WAC: variants seen among roughly 807,000 people sequenced by gnomAD.
The protein encoded by WAC is WW domain-containing adapter protein with coiled-coil.
Under a neutral mutation model 79.6 loss-of-function variants are expected in WAC, and 11 were observed. The observed-to-expected ratio is 0.14, with a 90% CI of 0.09 to 0.23. The LOEUF (loss-of-function observed/expected upper bound fraction) is 0.23, where lower values mean the gene tolerates loss of function less well. Ranked by LOEUF, WAC falls within the 10% of genes least tolerant of loss-of-function variation. The probability of loss-of-function intolerance (pLI) is 1.00; values close to 1 mark genes in which losing one functional copy is unlikely to be tolerated. For missense variants in WAC, 728 were observed against 773.5 expected (o/e 0.94, Z 0.70); for synonymous variants, 304 against 276.9 (o/e 1.10, Z -0.97).
chr10:28,572,371 G>A (rs1839022068), intron 3 of WAC, among the ~76,000 whole-genome samples: 1 of 149,670 alleles, frequency 6.7e-6, no homozygotes, highest in African/African-American at 2.5e-5. Flanking sequence ...AAGGAGAGAT[G>A]TGTGCTATGA....
chr10:28,595,685 C>T (rs1448844979), intron 6 of WAC, 48 bp from the exon 7 acceptor site: 3 of 1,543,558 alleles, frequency 1.9e-6, no homozygotes, highest in African/African-American at 1.4e-5. Context: ...CTTTTTTCTT[C>T]CCCCTTCTGT....
chr10:28,568,768 T>G (rs1331368738), intron 3 of WAC, among the ~76,000 whole-genome samples: 2 of 152,036 alleles, frequency 1.3e-5, no homozygotes, highest in Admixed American at 6.6e-5. Flanking sequence ...GAGACGGGGT[T>G]TCACTATGCT....
chr10:28,606,305 G>A (rs1840949117), intron 7 of WAC, among the ~76,000 whole-genome samples: 1 of 152,158 alleles, frequency 6.6e-6, no homozygotes, highest in Non-Finnish European at 1.5e-5. Context: ...CAAAATGCTG[G>A]GATTATAGGC....
rs529386309 is a variant in WAC, at chr10:28,533,674, G to A, written c.41+54G>A. 106 of 1,505,134 alleles carry A rather than the reference G, an allele frequency of 7.0e-5. No homozygotes were observed. In the East Asian group the frequency reaches 1.3e-3, roughly 19 times the overall value. 93.2% of individuals were successfully genotyped at this position (1,505,134 alleles called of 1,614,324 possible). The stretch of plus-strand genomic sequence containing the variant: ...CGGCGGCGGGGGGCGGCGGCGGGGG[G>A]GCTGTTCCTCCTTATCTGGAGCTGG... On this transcript the variant is annotated intron_variant, in intron 1 of 13. Coordinates refer to ENST00000354911, the MANE Select transcript of WAC (RefSeq NM_016628.5).
intron 3 of WAC, among the ~76,000 whole-genome samples, chr10:28,541,576 A>C (rs1251902095): frequency 2.0e-5 from 3 of 151,834 alleles, no homozygotes; most frequent in African/African-American, 7.3e-5. Context: ...TTCTATGAAC[A>C]GTCCTTTTCA....
intron 13 of WAC, 107 bp downstream of exon 13, chr10:28,617,891 C>A: frequency 1.6e-6 from 2 of 1,265,414 alleles, no homozygotes; most frequent in Non-Finnish European, 2.1e-6. Context: ...AAGTTCTCTT[C>A]GATACATTGA....
At chr10:28,579,314 G>A (rs1168465418) in intron 3 of WAC, among the ~76,000 whole-genome samples, 1 of 152,016 alleles carries the variant, frequency 6.6e-6, no homozygotes, top group East Asian at 1.9e-4. Flanking sequence ...ACCCAATGAA[G>A]CAATGGAGAC....
chr10:28,556,744 G>C (rs781222063), intron 3 of WAC, among the ~76,000 whole-genome samples: 1 of 152,010 alleles, frequency 6.6e-6, no homozygotes, highest in Non-Finnish European at 1.5e-5. Context: ...TGTATATGGT[G>C]TACAACAAGG....
chr10:28,568,134 GTCCC>G (rs1188219920), intron 3 of WAC, among the ~76,000 whole-genome samples: 1 of 152,120 alleles, frequency 6.6e-6, no homozygotes, highest in East Asian at 1.9e-4. Flanking sequence ...ATTCTTTTTG[GTCCC>G]TTTAGTTATT....
intron 7 of WAC, among the ~76,000 whole-genome samples, chr10:28,607,125 T>C (rs1268866088): frequency 6.6e-6 from 1 of 152,222 alleles, no homozygotes; most frequent in Non-Finnish European, 1.5e-5. Flanking sequence ...TTTTGACGTA[T>C]AGAAATTCTT....
chr10:28,571,335 A>G (rs1212820909), intron 3 of WAC, among the ~76,000 whole-genome samples: 4 of 152,334 alleles, frequency 2.6e-5, no homozygotes, highest in Middle Eastern at 3.4e-3. Flanking sequence ...AGAATTTGTT[A>G]TTCAGAAGAT....
At chr10:28,601,043 A>G (rs990406927) in intron 7 of WAC, among the ~76,000 whole-genome samples, 2 of 152,128 alleles carry the variant, frequency 1.3e-5, no homozygotes, top group Admixed American at 6.6e-5. Flanking sequence ...GATTTCTTGA[A>G]ATATGATAAC....
intron 13 of WAC, 153 bp downstream of exon 13, chr10:28,617,937 T>G: frequency 3.3e-6 from 3 of 919,990 alleles, no homozygotes; most frequent in Non-Finnish European, 4.5e-6. Flanking sequence ...AAGTTAATAT[T>G]TCTCGTGAAG....
At chr10:28,544,756 A>T (rs768016372) in intron 3 of WAC, among the ~76,000 whole-genome samples, 1 of 151,978 alleles carries the variant, frequency 6.6e-6, no homozygotes, top group Non-Finnish European at 1.5e-5. Context: ...TTGGGGATAG[A>T]TGTAAGGGTT....
At chr10:28,568,980 A>C (rs1275914596) in intron 3 of WAC, among the ~76,000 whole-genome samples, 2 of 152,210 alleles carry the variant, frequency 1.3e-5, no homozygotes, top group African/African-American at 4.8e-5. Context: ...CATGTGGATT[A>C]CATACAATAT....
chr10:28,573,065 G>GA, intron 3 of WAC, among the ~76,000 whole-genome samples: 1 of 151,952 alleles, frequency 6.6e-6, no homozygotes, highest in Non-Finnish European at 1.5e-5. Context: ...TAAAGGAGTG[G>GA]CTCTTAACAT....
At chr10:28,605,410 T>C (rs1326962595) in intron 7 of WAC, among the ~76,000 whole-genome samples, 1 of 152,130 alleles carries the variant, frequency 6.6e-6, no homozygotes, top group Non-Finnish European at 1.5e-5. Context: ...TAGAAGTGAT[T>C]CCGATGAGCA....
At chr10:28,597,186 G>A (rs1345322157) in intron 7 of WAC, among the ~76,000 whole-genome samples, 7 of 151,906 alleles carry the variant, frequency 4.6e-5, no homozygotes, top group Admixed American at 3.9e-4. Context: ...TGTTCCAAAT[G>A]TCAAATTCGG....
chr10:28,546,405 G>C (rs1329913804), intron 3 of WAC, among the ~76,000 whole-genome samples: 2 of 152,222 alleles, frequency 1.3e-5, no homozygotes, highest in East Asian at 1.9e-4. Context: ...TTGGGGTACA[G>C]AGTGACAAGC....
Sources: allele counts gnomAD v4.1 joint callset (sites outside exome capture counted in the v4.1 genomes callset), GRCh38; gene constraint gnomAD v4.1.1; transcripts MANE v1.5; gene names NCBI Gene and HGNC (gene_info 2026-07-23, HGNC 2026-07-21).